Variants in WDTC1 observed in about 807,000 individuals in gnomAD.
WDTC1 encodes WD and tetratricopeptide repeats 1, also known as WD and tetratricopeptide repeats protein 1.
Under a neutral mutation model 76.0 loss-of-function variants are expected in WDTC1, and 12 were observed. That is an observed-to-expected ratio of 0.16 (90% CI 0.10 to 0.26). WDTC1 has a LOEUF of 0.26. Among genes scored for constraint, WDTC1 ranks in the 10% least tolerant of loss-of-function variants. The pLI is 1.00. For synonymous variants in WDTC1, 326 were observed against 350.8 expected (o/e 0.93, Z 0.79); for missense variants, 511 against 908.8 (o/e 0.56, Z 5.63).
rs867220756 is a variant in WDTC1 at position 27,296,357 on chromosome 1, G to A, written c.905G>A (p.Arg302Gln). 3.1e-6 allele frequency: 5 copies of A among 1,613,854 alleles called. No individual in the cohort carries two copies. The highest frequency in any genetic ancestry group is 1.6e-4 in the Middle Eastern group (1 of 6,084). Residue 302 changes from arginine (R) to glutamine (Q), a missense_variant, in exon 10 of 16, where the codon CGG (arginine) becomes CAG (glutamine). By Grantham distance (43) the Arg-to-Gln change is conservative. Coordinates refer to ENST00000319394, the MANE Select transcript of WDTC1 (RefSeq NM_001276252.2). ...TTGTTTGACTTGACTTACAAGCAGC[G>A]GCCGTACACCTTCCTCTTGCCTAGA... ...VYLFDLTYKQ[R>Q]PYTFLLPRKC...
chr1:27,286,131 G>A (rs943762152), intron 5 of WDTC1, among the ~76,000 whole-genome samples: 2 of 147,936 alleles, frequency 1.4e-5, no homozygotes, highest in Admixed American at 6.9e-5. Flanking sequence ...TCAACCTTCC[G>A]AGCAGCTGGG....
chr1:27,267,321 A>G (rs1237062737), intron 3 of WDTC1, among the ~76,000 whole-genome samples: 1 of 150,250 alleles, frequency 6.7e-6, no homozygotes, highest in African/African-American at 2.5e-5. Context: ...ATCTCGTCTC[A>G]GTGCAACCTC....
At position 27,303,648 on chromosome 1, in the gene WDTC1, C is replaced by T. The variant is rs375560689; in HGVS notation, c.1496C>T (p.Ala499Val). 183 of 1,604,980 alleles carry T rather than the reference C, an allele frequency of 1.1e-4. No individual in the cohort carries two copies. The highest frequency in any genetic ancestry group is 1.5e-4 in the Non-Finnish European group (172 of 1,176,760). The change falls in exon 14 of 16, where the codon GCC (alanine) becomes GTC (valine). Residue 499 changes from alanine to valine, a missense_variant. By Grantham distance (64) the Ala-to-Val change is moderately conservative. Coordinates refer to ENST00000319394, the MANE Select transcript of WDTC1 (RefSeq NM_001276252.2). This position sits in a 1 kb window ranked among gnomAD's most constrained non-coding sequence, Gnocchi z 4.8. ...GAGAAGAAGGGACCTGGTGGCGGCG[C>T]CCCAGTCCGCCTCCGCAGCACGAGC... ...GEEKKGPGGG[A>V]PVRLRSTSRK...
Position 27,283,325 on chromosome 1 carries a change from A to G in WDTC1, c.180-13A>G, listed in dbSNP as rs1460635421. 7 of 1,612,676 alleles carry G rather than the reference A, an allele frequency of 4.3e-6. No homozygotes were observed. The highest frequency in any genetic ancestry group is 5.9e-6 in the Non-Finnish European group (7 of 1,179,456). On this transcript the variant is annotated splice_polypyrimidine_tract_variant and intron_variant, in intron 4 of 15. Coordinates refer to ENST00000319394, the MANE Select transcript of WDTC1 (RefSeq NM_001276252.2). Reference sequence around the variant, plus strand: ...ATTTGAGGAGAGATCACAATCCCTCACTCTGCTTTCAGCTTGCTGGCCTCT... The same window carrying G: ...ATTTGAGGAGAGATCACAATCCCTCGCTCTGCTTTCAGCTTGCTGGCCTCT...
chr1:27,297,769 A>G (rs1405705530), intron 11 of WDTC1, among the ~76,000 whole-genome samples, 169 bp from the exon 12 acceptor site: 1 of 152,104 alleles, frequency 6.6e-6, no homozygotes, highest in Non-Finnish European at 1.5e-5. Context: ...ATTCCCTATC[A>G]CAGTAATAGG....
intron 6 of WDTC1, among the ~76,000 whole-genome samples, chr1:27,288,860 G>A (rs2013424914): frequency 6.6e-6 from 1 of 152,134 alleles, no homozygotes; most frequent in South Asian, 2.1e-4. Context: ...TCAATGAGCT[G>A]TTGGGTACAC....
In WDTC1 at chr1:27,308,400, G is replaced by C. The variant is rs964219529; in HGVS notation, c.*2017G>C. The C allele has an allele frequency of 6.6e-6, 1 of 152,218 alleles. No individual in the cohort carries two copies. The highest frequency in any genetic ancestry group is 2.4e-5 in the African/African-American group (1 of 41,460). The allele number at this position is 152,218 out of a possible 1,614,324, so 9.4% of individuals were successfully genotyped here. On this transcript the variant is annotated 3_prime_UTR_variant, in exon 16 of 16. Transcript: ENST00000319394. ...GGTCACCGTGAGCAGCGGCCACCCA[G>C]CCCAGCAGGGCTGAGTGCAGAGCCC... is the stretch of plus-strand genomic sequence containing the variant.
intron 1 of WDTC1, among the ~76,000 whole-genome samples, chr1:27,253,681 G>A (rs1454466994): frequency 6.6e-6 from 1 of 151,660 alleles, no homozygotes; most frequent in Admixed American, 6.6e-5. Context: ...CACAGTGCCT[G>A]GCAAAATAGA....
chr1:27,283,338 C>T lies in WDTC1; in HGVS notation c.180C>T (p.Asp60=), dbSNP rs1442757922. 7 of 1,613,600 alleles carry T rather than the reference C, an allele frequency of 4.3e-6. No individual in the cohort carries two copies. The South Asian group carries it at 5.5e-5, about 13-fold the overall frequency. Reference sequence around the variant, plus strand: ...TCACAATCCCTCACTCTGCTTTCAGCTTGCTGGCCTCTGGTTCCGATGACC... The same window carrying T: ...TCACAATCCCTCACTCTGCTTTCAGTTTGCTGGCCTCTGGTTCCGATGACC... ...VNCLEWNEKG[D]LLASGSDDQH... is the part of the protein sequence containing the mutation. Residue 60 remains aspartate, a splice_region_variant and synonymous_variant, in exon 5 of 16, where the codon GAC becomes GAT. Coordinates refer to ENST00000319394, the MANE Select transcript of WDTC1 (RefSeq NM_001276252.2).
At position 27,296,314 on chromosome 1, in the gene WDTC1, C is replaced by G. The variant is rs892182859; in HGVS notation, c.874-12C>G. 1 of 1,613,508 alleles carries G rather than the reference C, an allele frequency of 6.2e-7. No homozygotes were observed. The highest frequency in any genetic ancestry group is 8.5e-7 in the Non-Finnish European group (1 of 1,179,870). On this transcript the variant is annotated splice_polypyrimidine_tract_variant and intron_variant, in intron 9 of 15. Transcript: ENST00000319394. ...CAGCTTCCATCTCTTTTTTTGCCCC[C>G]CTCAACTCTAGGTCTATTTGTTTGA...
chr1:27,249,500 T>A (rs931168402), intron 1 of WDTC1, among the ~76,000 whole-genome samples: 2 of 152,226 alleles, frequency 1.3e-5, no homozygotes, highest in Non-Finnish European at 2.9e-5. Flanking sequence ...AACATTCCAT[T>A]GTATGGATAT....
intron 3 of WDTC1, among the ~76,000 whole-genome samples, chr1:27,263,754 T>C (rs2012562904): frequency 6.6e-6 from 1 of 152,152 alleles, no homozygotes; most frequent in Non-Finnish European, 1.5e-5. Context: ...GGACATATTA[T>C]TTGCTTTAAA....
At chr1:27,249,113 C>T (rs555381462) in intron 1 of WDTC1, among the ~76,000 whole-genome samples, 7 of 152,014 alleles carry the variant, frequency 4.6e-5, no homozygotes, top group Non-Finnish European at 8.8e-5. Context: ...ACTAAAAATA[C>T]GAAAAATTAG....
chr1:27,290,939 A>C (rs530760376), intron 6 of WDTC1, among the ~76,000 whole-genome samples: 36 of 152,242 alleles, frequency 2.4e-4, no homozygotes, highest in Non-Finnish European at 4.6e-4. Context: ...GAACCTCAGA[A>C]GACAGAATGC....
chr1:27,248,627 G>C (rs1479293634), intron 1 of WDTC1, among the ~76,000 whole-genome samples: 1 of 151,896 alleles, frequency 6.6e-6, no homozygotes, highest in East Asian at 1.9e-4. Context: ...AAAATGATTA[G>C]TTTCATCTTA....
intron 3 of WDTC1, among the ~76,000 whole-genome samples, chr1:27,263,883 G>GTATACA (rs577771632): frequency 2.8e-4 from 42 of 151,460 alleles, no homozygotes; most frequent in Admixed American, 1.3e-3. Flanking sequence ...ATACATATAC[G>GTATACA]TATACATATA....
At position 27,303,968 on chromosome 1, in the gene WDTC1, A is replaced by G. The variant is rs1211485422; in HGVS notation, c.1643+173A>G. ...CTAAAGTTTTTTAATCTATGAAATGACCAACCTGCCATGCCCATTTATGAG... is the reference window on the plus strand; with the variant it reads ...CTAAAGTTTTTTAATCTATGAAATGGCCAACCTGCCATGCCCATTTATGAG... On this transcript the variant is annotated intron_variant, in intron 14 of 15. Coordinates refer to ENST00000319394, the MANE Select transcript of WDTC1 (RefSeq NM_001276252.2). This position sits in a 1 kb window ranked among gnomAD's most constrained non-coding sequence, Gnocchi z 4.8. 12 of 809,990 alleles carry G rather than the reference A, an allele frequency of 1.5e-5. No individual in the cohort carries two copies. In the East Asian group the frequency reaches 3.6e-4, roughly 24 times the overall value. 50.2% of individuals were successfully genotyped at this position (809,990 alleles called of 1,614,324 possible).
At chr1:27,268,607 T>TG (rs2012752079) in intron 3 of WDTC1, among the ~76,000 whole-genome samples, 1 of 151,518 alleles carries the variant, frequency 6.6e-6, no homozygotes, top group African/African-American at 2.4e-5. Context: ...TTAGTAGAGG[T>TG]GGGGTTTCAC....
intron 12 of WDTC1, among the ~76,000 whole-genome samples, chr1:27,300,586 T>C (rs1396607082): frequency 2.0e-5 from 3 of 152,062 alleles, no homozygotes; most frequent in Non-Finnish European, 4.4e-5. Context: ...GCTCCTGGTG[T>C]GCACAACCCC....
Sources: allele counts gnomAD v4.1 joint callset (sites outside exome capture counted in the v4.1 genomes callset), GRCh38; gene constraint gnomAD v4.1.1; non-coding constraint Gnocchi (gnomAD v3.1); transcripts MANE v1.5; gene names NCBI Gene and HGNC (gene_info 2026-07-23, HGNC 2026-07-21).